Variants in MAST4 observed in about 807,000 individuals in gnomAD.
The protein encoded by MAST4 is microtubule associated serine/threonine kinase family member 4, also known as microtubule-associated serine/threonine-protein kinase 4.
In MAST4, 89 loss-of-function variants were observed where a neutral mutation model predicts 162.7. The ratio of observed to expected loss-of-function variants is 0.55; its 90% CI spans 0.46 to 0.65. MAST4 has a LOEUF of 0.65. Ranked by LOEUF, MAST4 falls within the 30% of genes least tolerant of loss-of-function variation. The pLI, the probability that MAST4 is intolerant of heterozygous loss-of-function variation, is 0.00. For missense variants in MAST4, 3,153 were observed against 3,374.0 expected (o/e 0.93, Z 1.62); for synonymous variants, 1,479 against 1,361.1 (o/e 1.09, Z -1.91).
intron 4 of MAST4, among the ~76,000 whole-genome samples, chr5:66,983,427 GGT>G (rs1192902759): frequency 6.6e-6 from 1 of 152,280 alleles, no homozygotes; most frequent in African/African-American, 2.4e-5. Context: ...CTGCTTTAAT[GGT>G]GAAGAGAAGG....
chr5:67,161,072 A>G (rs1773129530), intron 27 of MAST4, among the ~76,000 whole-genome samples: 1 of 152,248 alleles, frequency 6.6e-6, no homozygotes, highest in South Asian at 2.1e-4. Context: ...CTGAAAAACG[A>G]ACTAGCTTAT....
Position 66,974,278 on chromosome 5 carries a change from T to C in MAST4, c.674+74296T>C, listed in dbSNP as rs372502643. Among the ~76,000 whole-genome samples the C allele has an allele frequency of 1.6e-4, 25 of 152,360 alleles. No homozygotes were observed. The East Asian group carries it at 4.4e-3, about 27-fold the overall frequency. On this transcript the variant is annotated intron_variant, in intron 4 of 28. Coordinates refer to ENST00000403625, the MANE Select transcript of MAST4 (RefSeq NM_001164664.2). ...AGGGATTTGCCTATTTTGGTTATCA[T>C]TGAGTCCCTAGTATCTGGCACATAA...
At chr5:66,954,620 C>G (rs1288670799) in intron 4 of MAST4, among the ~76,000 whole-genome samples, 3 of 152,088 alleles carry the variant, frequency 2.0e-5, no homozygotes, top group South Asian at 2.1e-4. Flanking sequence ...GAGAAGAAAG[C>G]CTGGGCGTGG....
chr5:66,768,905 CAG>C (rs1439709175), intron 2 of MAST4, among the ~76,000 whole-genome samples: 1 of 151,456 alleles, frequency 6.6e-6, no homozygotes, highest in South Asian at 2.1e-4. Flanking sequence ...TAAAAAAAAG[CAG>C]AGAGTTATTG....
At chr5:66,741,950 T>C (rs1752497953) in intron 1 of MAST4, among the ~76,000 whole-genome samples, 1 of 152,206 alleles carries the variant, frequency 6.6e-6, no homozygotes, top group Non-Finnish European at 1.5e-5. Context: ...GAAATCGAGT[T>C]GATCTACTGT....
intron 1 of MAST4, among the ~76,000 whole-genome samples, chr5:66,726,705 C>T (rs1008747109): frequency 3.9e-5 from 6 of 152,066 alleles, no homozygotes; most frequent in Non-Finnish European, 7.4e-5. Flanking sequence ...AGGTAAGCGA[C>T]GAGCAAATGA....
chr5:66,808,846 T>A (rs1580503249), intron 3 of MAST4, among the ~76,000 whole-genome samples: 1 of 152,350 alleles, frequency 6.6e-6, no homozygotes, highest in Admixed American at 6.5e-5. Flanking sequence ...GGCACCTGTG[T>A]TCTACTGGAG....
chr5:66,705,208 T>A (rs149286777), intron 1 of MAST4, among the ~76,000 whole-genome samples: 76 of 152,316 alleles, frequency 5.0e-4, no homozygotes, highest in African/African-American at 1.7e-3. Flanking sequence ...CAAATTCACT[T>A]GAGATTATCT....
At chr5:66,813,452 A>T (rs1160691960) in intron 3 of MAST4, among the ~76,000 whole-genome samples, 4 of 152,222 alleles carry the variant, frequency 2.6e-5, no homozygotes, top group African/African-American at 4.8e-5. Context: ...TTCCACAGTC[A>T]TACAAGAGTG....
intron 3 of MAST4, among the ~76,000 whole-genome samples, chr5:66,877,538 T>C (rs1353515711): frequency 6.6e-6 from 1 of 152,208 alleles, no homozygotes; most frequent in African/African-American, 2.4e-5. Flanking sequence ...TAAGCCTTGC[T>C]GACTCCTGAT....
rs1458994911 is a variant in MAST4 at position 66,687,654 on chromosome 5, A to AGC, written c.364-72055_364-72054insGC. Among the ~76,000 whole-genome samples, 156 of 151,426 alleles carry AGC rather than the reference A, an allele frequency of 1.0e-3. 3 individuals are homozygous for AGC. The highest frequency in any genetic ancestry group is 3.7e-3 in the African/African-American group (154 of 41,228). On this transcript the variant is annotated intron_variant, in intron 1 of 28. Coordinates refer to ENST00000403625, the MANE Select transcript of MAST4 (RefSeq NM_001164664.2). ...TGTGTGTTTATCTATCTATCTATCT[A>AGC]TCTATCTATCTATCTATCTATCTAT...
intron 4 of MAST4, among the ~76,000 whole-genome samples, chr5:66,907,544 T>C (rs1763451992): frequency 6.6e-6 from 1 of 151,100 alleles, no homozygotes; most frequent in Admixed American, 6.6e-5. Flanking sequence ...TGACACAAGA[T>C]AGGAAGTGAG....
At chr5:66,957,077 C>T (rs1013170848) in intron 4 of MAST4, among the ~76,000 whole-genome samples, 10 of 152,012 alleles carry the variant, frequency 6.6e-5, no homozygotes, top group Non-Finnish European at 1.0e-4. Flanking sequence ...TATTGTAGTC[C>T]ATTGGCTATA....
At chr5:66,620,444 G>A (rs187107972) in intron 1 of MAST4, among the ~76,000 whole-genome samples, 9 of 152,198 alleles carry the variant, frequency 5.9e-5, no homozygotes, top group African/African-American at 1.7e-4. Context: ...TGTGAAATTA[G>A]TATGGGCACA....
chr5:67,066,849 A>G (rs1180609613), intron 5 of MAST4, among the ~76,000 whole-genome samples: 3 of 152,246 alleles, frequency 2.0e-5, no homozygotes, highest in Non-Finnish European at 1.5e-5. Context: ...TTGTATCCAC[A>G]GGAAATGCTC....
At position 67,153,593 on chromosome 5, in the gene MAST4, T is replaced by C. The variant is rs746770071; in HGVS notation, c.3648+13T>C. On this transcript the variant is annotated intron_variant, in intron 26 of 28. Coordinates refer to ENST00000403625, the MANE Select transcript of MAST4 (RefSeq NM_001164664.2). ...ACTCCTACTGAAGGTATTGTATGTT[T>C]TATGTCAGGGCCATGCTGATGAGAC... The C allele has an allele frequency of 2.6e-6, 4 of 1,563,770 alleles. No individual in the cohort carries two copies. The highest frequency in any genetic ancestry group is 3.5e-6 in the Non-Finnish European group (4 of 1,154,180).
chr5:66,861,448 C>T (rs1289954522), intron 3 of MAST4, among the ~76,000 whole-genome samples: 5 of 152,196 alleles, frequency 3.3e-5, no homozygotes, highest in African/African-American at 9.6e-5. Flanking sequence ...TTATTATCCC[C>T]ATTTTACAGA....
At chr5:67,051,458 G>A (rs1758172914) in intron 4 of MAST4, among the ~76,000 whole-genome samples, 1 of 152,146 alleles carries the variant, frequency 6.6e-6, no homozygotes, top group African/African-American at 2.4e-5. Flanking sequence ...AGGTGCTGTG[G>A]CAACCTGGGT....
At chr5:67,060,622 C>T (rs952578131) in intron 5 of MAST4, among the ~76,000 whole-genome samples, 9 of 151,798 alleles carry the variant, frequency 5.9e-5, no homozygotes, top group South Asian at 2.1e-4. Flanking sequence ...GGACTACAGG[C>T]GCCTGCCACC....
Sources: allele counts gnomAD v4.1 joint callset (sites outside exome capture counted in the v4.1 genomes callset), GRCh38; gene constraint gnomAD v4.1.1; transcripts MANE v1.5; gene names NCBI Gene and HGNC (gene_info 2026-07-23, HGNC 2026-07-21).